Variants in STX7 observed in about 807,000 individuals in gnomAD.
STX7 encodes the protein syntaxin 7.
In STX7, 34 loss-of-function variants were observed where a neutral mutation model predicts 39.6. The observed-to-expected ratio is 0.86, with a 90% CI of 0.65 to 1.14. STX7 has a LOEUF of 1.14. STX7 is among the 50% of genes most tolerant of loss of function. STX7 has a pLI of 0.00. For synonymous variants in STX7, 119 were observed against 99.1 expected, an observed-to-expected ratio of 1.20 and a Z score of -1.19; for missense variants, 284 against 310.4, an observed-to-expected ratio of 0.92 and a Z score of 0.64.
chr6:132,466,452 T>C lies in STX7; in HGVS notation c.610+1951A>G, dbSNP rs79981415. Reference sequence around the variant, plus strand: ...TGAATAAGCTTTGTGGGTTGTATGATCTCTGTTACAAGTATTCAGCTACCC... The same window carrying C: ...TGAATAAGCTTTGTGGGTTGTATGACCTCTGTTACAAGTATTCAGCTACCC... On this transcript the variant is annotated intron_variant, in intron 8 of 9. Coordinates refer to ENST00000367941, the MANE Select transcript of STX7 (RefSeq NM_003569.3). Among the ~76,000 whole-genome samples, 616 of 152,312 alleles carry C rather than the reference T, an allele frequency of 4.0e-3. 16 individuals are homozygous for C. The highest frequency in any genetic ancestry group is 0.031 in the East Asian group (160 of 5,190).
chr6:132,466,676 TC>T (rs1467052103), intron 8 of STX7, among the ~76,000 whole-genome samples: 1 of 152,138 alleles, frequency 6.6e-6, no homozygotes, highest in Non-Finnish European at 1.5e-5. Flanking sequence ...TAAATTTAGA[TC>T]CCCTGCCCAG....
intron 2 of STX7, among the ~76,000 whole-genome samples, chr6:132,478,156 C>T (rs1282941637): frequency 2.0e-5 from 3 of 151,446 alleles, no homozygotes; most frequent in Non-Finnish European, 2.9e-5. Context: ...CAAACATGCA[C>T]GTTCTGTACA....
chr6:132,496,237 T>G (rs1340386504), intron 2 of STX7, among the ~76,000 whole-genome samples: 2 of 152,136 alleles, frequency 1.3e-5, no homozygotes, highest in Non-Finnish European at 2.9e-5. Flanking sequence ...TTAGCCACAC[T>G]ACATCTTCCT....
intron 2 of STX7, among the ~76,000 whole-genome samples, chr6:132,476,244 C>T (rs1774870906): frequency 6.6e-6 from 1 of 152,012 alleles, no homozygotes; most frequent in Admixed American, 6.6e-5. Flanking sequence ...AAACAAATGA[C>T]CAAATTTAGC....
At chr6:132,468,580 T>C (rs1343385281) in intron 7 of STX7, 105 bp from the exon 8 acceptor site, 3 of 684,560 alleles carry the variant, frequency 4.4e-6, no homozygotes, top group Non-Finnish European at 7.5e-6. Flanking sequence ...TGGGTGAGCA[T>C]GCATCTATAA....
intron 3 of STX7, among the ~76,000 whole-genome samples, chr6:132,474,638 T>C (rs1774824468): frequency 6.6e-6 from 1 of 152,150 alleles, no homozygotes; most frequent in African/African-American, 2.4e-5. Flanking sequence ...CTAAATGACA[T>C]TGGGTAACTC....
At chr6:132,503,683 T>C in intron 1 of STX7, 95 bp from the exon 2 acceptor site, 1 of 553,150 alleles carries the variant, frequency 1.8e-6, no homozygotes, top group African/African-American at 1.9e-5. Flanking sequence ...ACAAACTTGA[T>C]TAATCTAATA....
intron 2 of STX7, among the ~76,000 whole-genome samples, chr6:132,495,819 T>C (rs1775408841): frequency 6.6e-6 from 1 of 152,158 alleles, no homozygotes; most frequent in Non-Finnish European, 1.5e-5. Context: ...CAAAGAACCT[T>C]ATGGGGACAG....
intron 2 of STX7, among the ~76,000 whole-genome samples, chr6:132,495,317 T>C (rs894205369): frequency 2.0e-5 from 3 of 152,236 alleles, no homozygotes; most frequent in Admixed American, 2.0e-4. Flanking sequence ...CATCTATCTC[T>C]GTTTTATGTT....
At chr6:132,499,135 C>A (rs1399134056) in intron 2 of STX7, among the ~76,000 whole-genome samples, 1 of 124,690 alleles carries the variant, frequency 8.0e-6, no homozygotes, top group East Asian at 2.1e-4. Context: ...GGTCCATTCC[C>A]ATGCCCTCAC....
rs185368385 is a variant in STX7, at chr6:132,490,867, G to A, written c.85+12579C>T. Among the ~76,000 whole-genome samples, 12 of 152,246 alleles carry A rather than the reference G, an allele frequency of 7.9e-5. No homozygotes were observed. The East Asian group carries it at 9.6e-4, about 12-fold the overall frequency. ...AGAGGTGTCTGTGCATCTTGGGGCC[G>A]ATGAAGTGATTGGGATGACATCAGG... On this transcript the variant is annotated intron_variant, in intron 2 of 9. Transcript: ENST00000367941.
At chr6:132,491,601 T>G (rs1775290693) in intron 2 of STX7, among the ~76,000 whole-genome samples, 1 of 152,144 alleles carries the variant, frequency 6.6e-6, no homozygotes, top group African/African-American at 2.4e-5. Context: ...GTGATTTCAA[T>G]ACACAGGCTG....
chr6:132,464,372 C>T (rs1464222836), intron 8 of STX7, among the ~76,000 whole-genome samples: 1 of 152,232 alleles, frequency 6.6e-6, no homozygotes, highest in Non-Finnish European at 1.5e-5. Flanking sequence ...GTCACCCTGA[C>T]ATTATCAAAT....
At position 132,450,366 on chromosome 6, in the gene STX7, T is replaced by C. The variant is rs758752138; in HGVS notation, c.*10392A>G. 6.6e-6 allele frequency: 1 copy of C among 152,238 alleles called. No homozygotes were observed. Among genetic ancestry groups the C allele is most frequent in the African/African-American group, 2.4e-5 (1 of 41,470 alleles). The allele number at this position is 152,238 out of a possible 1,614,324, so 9.4% of individuals were successfully genotyped here. A position where few individuals can be genotyped will look rare whatever the true frequency, so the allele number is the denominator to read the frequency against. On this transcript the variant is annotated 3_prime_UTR_variant, in exon 10 of 10. Transcript: ENST00000367941. ...TGATATATTGGCATAAAGTTGTTTA[T>C]AGTGTCTTATTATTTTAAAATCTAT...
intron 4 of STX7, 147 bp from the exon 5 acceptor site, chr6:132,471,747 T>G: frequency 2.2e-6 from 2 of 899,744 alleles, no homozygotes; most frequent in Non-Finnish European, 3.3e-6. Context: ...AACATTCTGA[T>G]AGTATGTCAA....
chr6:132,502,791 G>C (rs191335894), intron 2 of STX7, among the ~76,000 whole-genome samples: 14 of 151,962 alleles, frequency 9.2e-5, no homozygotes, highest in African/African-American at 3.4e-4. Flanking sequence ...CCCAGCTACT[G>C]GGGAGGCTGA....
intron 2 of STX7, among the ~76,000 whole-genome samples, chr6:132,479,458 C>T (rs1774961557): frequency 6.6e-6 from 1 of 152,192 alleles, no homozygotes; most frequent in South Asian, 2.1e-4. Context: ...TCTGGCCTTG[C>T]TACTGAGCCC....
chr6:132,478,538 T>C (rs1259572858), intron 2 of STX7, among the ~76,000 whole-genome samples: 1 of 152,138 alleles, frequency 6.6e-6, no homozygotes, highest in African/African-American at 2.4e-5. Flanking sequence ...CCAAGGGCAT[T>C]ATCTATTCCC....
In STX7 at chr6:132,472,356, T is replaced by C. The variant is rs978366367; in HGVS notation, c.175A>G (p.Thr59Ala). The C allele has an allele frequency of 1.2e-6, 2 of 1,612,772 alleles. No homozygotes were observed. The highest frequency in any genetic ancestry group is 2.2e-5 in the South Asian group (2 of 90,748). ...TCTGTTTCTTTGGCAAGCTGGTTAGTATACTGCTGCTTCTGTTGCCTAAAG... is the reference window on the plus strand; with the variant it reads ...TCTGTTTCTTTGGCAAGCTGGTTAGCATACTGCTGCTTCTGTTGCCTAAAG... ...RQQLQQKQQY[T>A]NQLAKETDKY... is the part of the protein sequence containing the mutation. The change falls in exon 4 of 10, where the codon ACT (threonine) becomes GCT (alanine). Residue 59 changes from threonine (T) to alanine (A), a missense_variant. By Grantham distance (58) the Thr-to-Ala change is moderately conservative (BLOSUM62 0). Coordinates refer to ENST00000367941, the MANE Select transcript of STX7 (RefSeq NM_003569.3).
Sources: allele counts gnomAD v4.1 joint callset (sites outside exome capture counted in the v4.1 genomes callset), GRCh38; gene constraint gnomAD v4.1.1; transcripts MANE v1.5; gene names NCBI Gene and HGNC (gene_info 2026-07-23, HGNC 2026-07-21).